The following EIF3E variants were observed in gnomAD, a reference collection of about 807,000 sequenced individuals.
EIF3E encodes the protein eIF-3 p48.
A neutral mutation model predicts 59.3 loss-of-function variants in EIF3E; 25 were observed. The ratio of observed to expected loss-of-function variants is 0.42; its 90% CI spans 0.31 to 0.59. EIF3E has a LOEUF of 0.59. EIF3E is among the 20% of genes least tolerant of loss of function. The pLI is 0.15. For synonymous variants in EIF3E, 176 were observed against 170.2 expected (o/e 1.03, Z -0.26); for missense variants, 317 against 534.3 (o/e 0.59, Z 4.01).
chr8:108,204,198 C>T (rs969956572), intron 10 of EIF3E, among the ~76,000 whole-genome samples: 6 of 151,862 alleles, frequency 4.0e-5, no homozygotes, highest in African/African-American at 9.7e-5. Context: ...CAAAGTAAAC[C>T]TTTGTATAAA....
intron 5 of EIF3E, 90 bp downstream of exon 5, chr8:108,234,908 C>A: frequency 1.1e-5 from 8 of 732,756 alleles, no homozygotes. Context: ...ATGAACAGAC[C>A]CAAATCTATC....
chr8:108,227,532 T>C (rs1815538393), intron 7 of EIF3E: 1 of 152,162 alleles, frequency 6.6e-6, no homozygotes, highest in African/African-American at 2.4e-5. Context: ...AACATCTAGA[T>C]TGTAAGAATA....
chr8:108,235,203 C>A, intron 4 of EIF3E, 101 bp from the exon 5 acceptor site: 1 of 598,116 alleles, frequency 1.7e-6, no homozygotes, highest in South Asian at 3.4e-5. Context: ...ATGTTTAAGT[C>A]ACCAACTTCT....
intron 9 of EIF3E, among the ~76,000 whole-genome samples, chr8:108,215,046 C>T (rs904993474): frequency 6.6e-6 from 1 of 152,142 alleles, no homozygotes; most frequent in Non-Finnish European, 1.5e-5. Flanking sequence ...AAATGGACTA[C>T]AAGCTCGGAG....
intron 6 of EIF3E, 43 bp downstream of exon 6, chr8:108,229,027 A>G: frequency 6.4e-7 from 1 of 1,557,742 alleles, no homozygotes; most frequent in Non-Finnish European, 8.7e-7. Context: ...TGTGAAGGAT[A>G]CACAGATATT....
In EIF3E at chr8:108,235,142, G is replaced by T. The variant is rs767856796; in HGVS notation, c.367-40C>A. 35 of 1,316,952 alleles carry T rather than the reference G, an allele frequency of 2.7e-5. No individual in the cohort carries two copies. In the East Asian group the frequency reaches 4.6e-4, roughly 17 times the overall value. The allele number at this position is 1,316,952 out of a possible 1,614,324, so 81.6% of individuals were successfully genotyped here. On this transcript the variant is annotated intron_variant, in intron 4 of 12. Coordinates refer to ENST00000220849, the MANE Select transcript of EIF3E (RefSeq NM_001568.3). ...AAAAGATTAAGTTCTCTTTAATTTA[G>T]AGTTTTAAAACCCCATTGTAATTCA...
intron 10 of EIF3E, among the ~76,000 whole-genome samples, chr8:108,207,692 A>G (rs111769070): frequency 9.2e-5 from 14 of 152,174 alleles, no homozygotes; most frequent in Admixed American, 1.3e-4. Context: ...ATCCTTTATA[A>G]ATATCTTTAA....
chr8:108,211,515 G>C (rs71524761), intron 10 of EIF3E, among the ~76,000 whole-genome samples: 2,248 of 152,180 alleles, frequency 0.015, 37 homozygotes, highest in South Asian at 0.073. Flanking sequence ...ATGGGTAGAT[G>C]CTAAAAATTT....
chr8:108,222,976 A>T (rs1337700864), intron 7 of EIF3E, among the ~76,000 whole-genome samples: 1 of 152,074 alleles, frequency 6.6e-6, no homozygotes, highest in African/African-American at 2.4e-5. Flanking sequence ...GTTTTCCTAC[A>T]GTGTTTCATA....
At chr8:108,237,822 C>CCT (rs757302223) in intron 3 of EIF3E, among the ~76,000 whole-genome samples, 2 of 152,120 alleles carry the variant, frequency 1.3e-5, no homozygotes, top group African/African-American at 4.8e-5. Context: ...TAATCACTGT[C>CCT]CTCTGGCTGA....
At chr8:108,246,282 T>C (rs1366535648) in intron 1 of EIF3E, among the ~76,000 whole-genome samples, 1 of 34,034 alleles carries the variant, frequency 2.9e-5, no homozygotes, top group African/African-American at 1.2e-4. Flanking sequence ...GCTAAGGGGG[T>C]GTGGGGGGGG....
intron 1 of EIF3E, chr8:108,242,259 G>A: frequency 1.5e-6 from 2 of 1,293,208 alleles, no homozygotes; most frequent in African/African-American, 1.5e-5. Flanking sequence ...CATCTTTCCT[G>A]TAAAGCACAT....
At position 108,203,017 on chromosome 8, in the gene EIF3E, A is replaced by G. The variant is rs1815022099; in HGVS notation, c.1265T>C (p.Ile422Thr). 1 of 1,612,540 alleles carries G rather than the reference A, an allele frequency of 6.2e-7. No individual in the cohort carries two copies. The highest frequency in any genetic ancestry group is 8.5e-7 in the Non-Finnish European group (1 of 1,179,036). The change falls in exon 12 of 13, where the codon ATT (isoleucine) becomes ACT (threonine). Residue 422 changes from isoleucine (I) to threonine (T), a missense_variant. Physicochemically the swap from Ile to Thr is moderately conservative, Grantham distance 89 (BLOSUM62 -1). This residue lies in a region of EIF3E where 45 missense variants were observed against 97.8 expected (regional missense o/e 0.46). Coordinates refer to ENST00000220849, the MANE Select transcript of EIF3E (RefSeq NM_001568.3). ...GCTATTCTGATTAAGTTTCTTCTCAATATTCATGGCCAACATCTGGCTTCT... is the reference window on the plus strand; with the variant it reads ...GCTATTCTGATTAAGTTTCTTCTCAGTATTCATGGCCAACATCTGGCTTCT... The part of the protein sequence containing the change: ...SFRSQMLAMN[I>T]EKKLNQNSRS...
At chr8:108,223,054 T>C (rs1815449072) in intron 7 of EIF3E, among the ~76,000 whole-genome samples, 1 of 152,176 alleles carries the variant, frequency 6.6e-6, no homozygotes, top group Non-Finnish European at 1.5e-5. Flanking sequence ...CTTAAGTATC[T>C]ACTATGTGCT....
intron 3 of EIF3E, among the ~76,000 whole-genome samples, chr8:108,239,699 A>G (rs1815800662): frequency 6.6e-6 from 1 of 152,216 alleles, no homozygotes; most frequent in Non-Finnish European, 1.5e-5. Context: ...AGGGGGAAAC[A>G]GGAGATGGAA....
intron 7 of EIF3E, among the ~76,000 whole-genome samples, chr8:108,220,025 C>A (rs1434067578): frequency 6.6e-6 from 1 of 152,004 alleles, no homozygotes; most frequent in Non-Finnish European, 1.5e-5. Context: ...CACCTGTAAT[C>A]CCTGCTACTC....
At chr8:108,234,433 T>C (rs934937199) in intron 5 of EIF3E, 2 of 152,174 alleles carry the variant, frequency 1.3e-5, no homozygotes, top group Non-Finnish European at 2.9e-5. Flanking sequence ...TACTTCATGG[T>C]TAATAGTACC....
intron 10 of EIF3E, among the ~76,000 whole-genome samples, chr8:108,209,468 G>A (rs887599744): frequency 2.6e-5 from 4 of 151,944 alleles, no homozygotes; most frequent in Admixed American, 2.0e-4. Context: ...ATGAAATTTT[G>A]AAATTTCCCA....
In EIF3E at chr8:108,202,867, A is replaced by C. The variant is rs923053661; in HGVS notation, c.1299+116T>G. ...GTTTAGTAATTTCTTAAAAATGTTC[A>C]TATCTTTAAAGAGAAAAACAAAATC... is the stretch of plus-strand genomic sequence containing the variant. On this transcript the variant is annotated intron_variant, in intron 12 of 12. Transcript: ENST00000220849. The C allele has an allele frequency of 1.1e-5, 14 of 1,219,354 alleles. No individual in the cohort carries two copies. The East Asian group carries it at 3.5e-4, about 31-fold the overall frequency. The allele number at this position is 1,219,354 out of a possible 1,614,324, so 75.5% of individuals were successfully genotyped here. A position where few individuals can be genotyped will look rare whatever the true frequency, so the allele number is the denominator to read the frequency against.
Sources: gnomAD v4.1 joint callset for allele counts (sites outside exome capture counted in the v4.1 genomes callset) on GRCh38, gnomAD v4.1.1 for gene constraint, gnomAD v4.1.1 regional missense constraint, MANE v1.5 for transcripts, NCBI Gene and HGNC (gene_info 2026-07-23, HGNC 2026-07-21) for gene names.